Variants in ANKRD36C observed in about 807,000 individuals in gnomAD.
ANKRD36C encodes ankyrin repeat domain-containing protein 36C.
In ANKRD36C, 61 loss-of-function variants were observed where a neutral mutation model predicts 276.4. The observed-to-expected ratio is 0.22, with a 90% CI of 0.18 to 0.27. ANKRD36C has a LOEUF of 0.27. Ranked by LOEUF, ANKRD36C falls within the 10% of genes least tolerant of loss-of-function variation. The pLI is 1.00. For synonymous variants in ANKRD36C, 483 were observed against 680.1 expected, an observed-to-expected ratio of 0.71 and a Z score of 4.51; for missense variants, 1,447 against 2,032.3, an observed-to-expected ratio of 0.71 and a Z score of 5.54.
intron 46 of ANKRD36C, 133 bp from the exon 67 acceptor site, chr2:95,890,127 G>A: frequency 8.2e-7 from 1 of 1,217,396 alleles, no homozygotes; most frequent in South Asian, 1.3e-5. Flanking sequence ...TCTATATTGT[G>A]TCGGGGACAA....
chr2:95,943,353 C>T (rs1389509552), intron 19 of ANKRD36C, among the ~76,000 whole-genome samples: 6 of 151,468 alleles, frequency 4.0e-5, no homozygotes, highest in Admixed American at 3.9e-4. Flanking sequence ...GGCGTGATGG[C>T]GGGCGCCTAT....
chr2:95,946,930 G>C (rs191635474), intron 17 of ANKRD36C, among the ~76,000 whole-genome samples: 1 of 151,346 alleles, frequency 6.6e-6, no homozygotes. Flanking sequence ...AGGGGGGAGG[G>C]ATAGCATTGG....
chr2:95,890,875 G>C (rs981271240), intron 46 of ANKRD36C, among the ~76,000 whole-genome samples: 4 of 151,416 alleles, frequency 2.6e-5, no homozygotes, highest in South Asian at 4.1e-4. Flanking sequence ...CTTTAAAGAA[G>C]TTTCATGAAA....
At chr2:95,955,001 G>A (rs1220810674) in intron 13 of ANKRD36C, among the ~76,000 whole-genome samples, 1 of 152,282 alleles carries the variant, frequency 6.6e-6, no homozygotes, top group African/African-American at 2.4e-5. Context: ...TCTGCTTCTG[G>A]AAAGTAAGTT....
exon 57 of ANKRD36C, chr2:95,880,602 G>C: frequency 6.5e-7 from 1 of 1,527,360 alleles, no homozygotes. Flanking sequence ...TACCTTCAAG[G>C]TGGGCAGATT....
chr2:95,921,713 T>C (rs529907925), intron 33 of ANKRD36C, 34 bp from the exon 34 acceptor site: 1 of 1,584,532 alleles, frequency 6.3e-7, no homozygotes, highest in Non-Finnish European at 8.6e-7. Context: ...AATAAATAAA[T>C]AAATAAATGA....
chr2:95,918,949 T>A (rs983346706), intron 34 of ANKRD36C, among the ~76,000 whole-genome samples: 4 of 130,906 alleles, frequency 3.1e-5, no homozygotes, highest in African/African-American at 1.0e-4. Context: ...AAATAGCTAT[T>A]TCACCCAAGA....
At chr2:95,967,682 G>C (rs1280797322) in intron 6 of ANKRD36C, among the ~76,000 whole-genome samples, 1 of 152,014 alleles carries the variant, frequency 6.6e-6, no homozygotes, top group Non-Finnish European at 1.5e-5. Context: ...TATATGTACA[G>C]TGGCTCGTTC....
chr2:95,856,624 T>C (rs1215057950), intron 62 of ANKRD36C, among the ~76,000 whole-genome samples: 1 of 152,188 alleles, frequency 6.6e-6, no homozygotes, highest in Non-Finnish European at 1.5e-5. Flanking sequence ...AAGTTCTCTT[T>C]TTCTAAAATA....
Position 95,980,590 on chromosome 2 carries a change from C to T in ANKRD36C, c.731+58G>A, listed in dbSNP as rs1678895781. The T allele has an allele frequency of 1.5e-5, 23 of 1,564,970 alleles. No individual in the cohort carries two copies. The South Asian group carries it at 2.4e-4, about 16-fold the overall frequency. ...TCACCTGATATATAAGATGCAATTG[C>T]TACAATTATTTTAAACTTCAATTTA... is the stretch of plus-strand genomic sequence containing the variant. On this transcript the variant is annotated intron_variant, in intron 5 of 66. Transcript: ENST00000456556.
chr2:95,867,375 A>G, intron 60 of ANKRD36C, 65 bp downstream of exon 80: 1 of 611,034 alleles, frequency 1.6e-6, no homozygotes, highest in Non-Finnish European at 2.9e-6. Flanking sequence ...GTACAGTGTT[A>G]AGCAATGTGT....
At position 95,914,320 on chromosome 2, in the gene ANKRD36C, A is replaced by G. The variant is rs1677027017; in HGVS notation, c.2450-17T>C. 1 of 1,546,934 alleles carries G rather than the reference A, an allele frequency of 6.5e-7. No homozygotes were observed. Among genetic ancestry groups the G allele is most frequent in the African/African-American group, 1.4e-5 (1 of 72,670 alleles). ...CAGAAGTCACTGAAAAGTAAAAGGG[A>G]TTCATAATCACTCATATGTAAAAAT... On this transcript the variant is annotated splice_polypyrimidine_tract_variant and intron_variant, in intron 38 of 66. Transcript: ENST00000456556.
intron 48 of ANKRD36C, among the ~76,000 whole-genome samples, chr2:95,889,438 A>C (rs1177866575): frequency 1.3e-5 from 2 of 151,548 alleles, no homozygotes; most frequent in African/African-American, 4.8e-5. Flanking sequence ...TCTGTTTATC[A>C]CAATACAATC....
At chr2:95,971,356 A>G (rs2104521780) in intron 6 of ANKRD36C, among the ~76,000 whole-genome samples, 1 of 147,064 alleles carries the variant, frequency 6.8e-6, no homozygotes, top group South Asian at 2.2e-4. Flanking sequence ...TAAGCTTCTC[A>G]GTTGTAACAA....
At chr2:95,965,299 C>A (rs986570123) in intron 6 of ANKRD36C, among the ~76,000 whole-genome samples, 75 of 151,894 alleles carry the variant, frequency 4.9e-4, no homozygotes, top group Non-Finnish European at 8.4e-4. Flanking sequence ...CTTCAAGGGC[C>A]TATTTGTCAT....
chr2:95,978,827 CATT>C (rs1678862263), intron 5 of ANKRD36C, among the ~76,000 whole-genome samples: 1 of 151,850 alleles, frequency 6.6e-6, no homozygotes, highest in Admixed American at 6.6e-5. Flanking sequence ...TTTATGAATA[CATT>C]ATTTCATTAA....
chr2:95,889,945 T>C, intron 47 of ANKRD36C, 21 bp downstream of exon 67: 3 of 1,609,874 alleles, frequency 1.9e-6, no homozygotes, highest in Non-Finnish European at 1.7e-6. Flanking sequence ...TAGTTCAAAA[T>C]ATAAATGAGA....
intron 3 of ANKRD36C, among the ~76,000 whole-genome samples, chr2:95,985,678 T>C (rs887452746): frequency 5.9e-5 from 9 of 152,244 alleles, no homozygotes; most frequent in African/African-American, 2.2e-4. Flanking sequence ...ACCAGCACAG[T>C]TGATAATCAC....
At chr2:95,962,846 T>C (rs559439496) in intron 6 of ANKRD36C, among the ~76,000 whole-genome samples, 2 of 152,078 alleles carry the variant, frequency 1.3e-5, no homozygotes, top group South Asian at 2.1e-4. Flanking sequence ...AAAACAAATG[T>C]GGTCTAAAAA....
Sources: allele counts gnomAD v4.1 joint callset (sites outside exome capture counted in the v4.1 genomes callset), GRCh38; gene constraint gnomAD v4.1.1; transcripts MANE v1.5; gene names NCBI Gene and HGNC (gene_info 2026-07-23, HGNC 2026-07-21).